MIGA2: variants seen among roughly 807,000 people sequenced by gnomAD.
The protein encoded by MIGA2 is family with sequence similarity 73, member B.
MIGA2 carries 36 observed loss-of-function variants against 69.9 expected under a neutral mutation model. The observed-to-expected ratio is 0.52, with a 90% CI of 0.39 to 0.68. MIGA2 has a LOEUF of 0.68. Among genes scored for constraint, MIGA2 ranks in the 30% least tolerant of loss-of-function variants. The pLI is 0.00. For missense variants in MIGA2, 660 were observed against 787.7 expected (o/e 0.84, Z 1.94); for synonymous variants, 333 against 349.2 (o/e 0.95, Z 0.52).
At position 129,061,103 on chromosome 9, in the gene MIGA2, T is replaced by C; in HGVS notation, c.895-128T>C. ...GGCCAGTGTTCCCTCTGACATCCCC[T>C]CAGAGACGTTGGCAGTGGGCAGGCA... On this transcript the variant is annotated intron_variant, in intron 8 of 15. Coordinates refer to ENST00000684074, the MANE Select transcript of MIGA2 (RefSeq NM_001329990.2). This position sits in a 1 kb window ranked among gnomAD's most constrained non-coding sequence, Gnocchi z 5.0. 2.7e-6 allele frequency: 2 copies of C among 750,476 alleles called. No homozygotes were observed. Among genetic ancestry groups the C allele is most frequent in the Non-Finnish European group, 4.6e-6 (2 of 434,694 alleles). 46.5% of individuals were successfully genotyped at this position (750,476 alleles called of 1,614,324 possible).
chr9:129,059,899 C>G lies in MIGA2; in HGVS notation c.793+628C>G, dbSNP rs1324178853. On this transcript the variant is annotated intron_variant, in intron 7 of 15. Coordinates refer to ENST00000684074, the MANE Select transcript of MIGA2 (RefSeq NM_001329990.2). This position sits in a 1 kb window ranked among gnomAD's most constrained non-coding sequence, Gnocchi z 5.6. The stretch of plus-strand genomic sequence containing the variant: ...ACCGGAGTGGGTCGGCCGAGCCACG[C>G]ACCCTGCCCTGGCTTCTCCCCACGT... 1.3e-5 allele frequency among the ~76,000 whole-genome samples: 2 copies of G among 152,178 alleles called. No homozygotes were observed. Among genetic ancestry groups the G allele is most frequent in the Admixed American group, 6.5e-5 (1 of 15,276 alleles).
At position 129,040,466 on chromosome 9, in the gene MIGA2, C is replaced by T. The variant is rs946399479; in HGVS notation, c.-129C>T. ...CTGTCTCTTAGCTCTGTGGAGGGGC[C>T]CTCTGGTATGTGTGTCCCTGTCCTT... is the stretch of plus-strand genomic sequence containing the variant. On this transcript the variant is annotated 5_prime_UTR_variant, in exon 2 of 16. Coordinates refer to ENST00000684074, the MANE Select transcript of MIGA2 (RefSeq NM_001329990.2). 8 of 1,418,090 alleles carry T rather than the reference C, an allele frequency of 5.6e-6. No individual in the cohort carries two copies. In the African/African-American group the frequency reaches 1.2e-4, roughly 21 times the overall value. 87.8% of individuals were successfully genotyped at this position (1,418,090 alleles called of 1,614,324 possible).
Position 129,042,424 on chromosome 9 carries a change from A to C in MIGA2, c.217A>C (p.Lys73Gln), listed in dbSNP as rs1844964108. Reference sequence around the variant, plus strand: ...GCTGAAGAGGCGACGGAGGAGGAAGAAGCAGGTTGGTCCCGAGATGGGAGG... The same window carrying C: ...GCTGAAGAGGCGACGGAGGAGGAAGCAGCAGGTTGGTCCCGAGATGGGAGG... ...HQLKRRRRRK[K>Q]QVGPEMGGEQ... Residue 73 changes from lysine to glutamine, a missense_variant, in exon 3 of 16, where the codon AAG becomes CAG. Around this residue, in one of 3 missense-constraint regions of MIGA2, gnomAD observed 386 missense variants for 402.0 expected, o/e 0.96. Coordinates refer to ENST00000684074, the MANE Select transcript of MIGA2 (RefSeq NM_001329990.2). 1 of 1,613,412 alleles carries C rather than the reference A, an allele frequency of 6.2e-7. No homozygotes were observed. The highest frequency in any genetic ancestry group is 2.2e-5 in the East Asian group (1 of 44,870).
At chr9:129,037,949 G>A (rs1844681436) in intron 1 of MIGA2, among the ~76,000 whole-genome samples, 1 of 152,144 alleles carries the variant, frequency 6.6e-6, no homozygotes, top group Non-Finnish European at 1.5e-5. Context: ...CCATTGCGAG[G>A]GTTCTGAGAG....
rs530922657 is a variant in MIGA2 at position 129,051,787 on chromosome 9, C to T, written c.675+1824C>T. On this transcript the variant is annotated intron_variant, in intron 6 of 15. Coordinates refer to ENST00000684074, the MANE Select transcript of MIGA2 (RefSeq NM_001329990.2). ...AATTTTTTGTATTTTTTAGTAGAGA[C>T]GGGGTTTCACCATGTTAGCCAGGAT... Among the ~76,000 whole-genome samples the T allele has an allele frequency of 4.0e-5, 6 of 148,494 alleles. No homozygotes were observed. In the South Asian group the frequency reaches 1.1e-3, roughly 26 times the overall value.
At chr9:129,045,052 G>A (rs900259061) in intron 3 of MIGA2, among the ~76,000 whole-genome samples, 1 of 151,410 alleles carries the variant, frequency 6.6e-6, no homozygotes, top group Non-Finnish European at 1.5e-5. Flanking sequence ...ACAAAAATTA[G>A]TCGGGTGTGG....
chr9:129,049,846 A>C lies in MIGA2; in HGVS notation c.558A>C (p.Glu186Asp), dbSNP rs144504442. ...LYMQGMELFE[E>D]ALQKWEQALS... ...GCTCAGGCATGGAGCTGTTTGAGGA[A>C]GCTCTGCAGAAGTGGGAGCAGGCAC... The change falls in exon 6 of 16, where the codon GAA becomes GAC. Residue 186 changes from glutamate to aspartate, a missense_variant. Transcript: ENST00000684074. The C allele has an allele frequency of 3.1e-6, 5 of 1,613,946 alleles. No homozygotes were observed. In the African/African-American group the frequency reaches 6.7e-5, roughly 22 times the overall value.
rs775772680 is a variant in MIGA2 at position 129,059,174 on chromosome 9, G to A, written c.696G>A (p.Glu232=). The part of the protein sequence containing the change: ...PLSEPESQRK[E]FAEKLESLLH... ...GGCAGCCAGAGTCACAGCGGAAGGA[G>A]TTTGCAGAGAAGCTGGAGTCCCTGC... Residue 232 remains glutamate, a synonymous_variant, in exon 7 of 16, where the codon GAG becomes GAA. Transcript: ENST00000684074. This position sits in a 1 kb window ranked among gnomAD's most constrained non-coding sequence, Gnocchi z 5.6. The A allele has an allele frequency of 1.2e-6, 2 of 1,613,622 alleles. No individual in the cohort carries two copies. Among genetic ancestry groups the A allele is most frequent in the South Asian group, 1.1e-5 (1 of 90,978 alleles).
In MIGA2 at chr9:129,069,484, G is replaced by C. The variant is rs187427881; in HGVS notation, c.1458+355G>C. On this transcript the variant is annotated intron_variant, in intron 14 of 15. Transcript: ENST00000684074. This position sits in a 1 kb window ranked among gnomAD's most constrained non-coding sequence, Gnocchi z 4.9. ...CCTGCCCTTTCCCCGCCCCAGTCAGGCCCCTGTAATCTCCGCTCCCAGGCA... is the reference window on the plus strand; with the variant it reads ...CCTGCCCTTTCCCCGCCCCAGTCAGCCCCCTGTAATCTCCGCTCCCAGGCA... 6.6e-4 allele frequency: 335 copies of C among 508,720 alleles called. 1 individual carries two copies. Among genetic ancestry groups the C allele is most frequent in the African/African-American group, 5.8e-3 (303 of 52,014 alleles). 31.5% of individuals were successfully genotyped at this position (508,720 alleles called of 1,614,324 possible).
intron 3 of MIGA2, among the ~76,000 whole-genome samples, 171 bp downstream of exon 3, chr9:129,042,685 T>C (rs1204916869): frequency 2.0e-5 from 3 of 152,164 alleles, no homozygotes; most frequent in Non-Finnish European, 2.9e-5. Context: ...CCAGTCACTG[T>C]ACTGGAGGGT....
intron 3 of MIGA2, among the ~76,000 whole-genome samples, chr9:129,043,685 C>T (rs556708652): frequency 6.6e-6 from 1 of 152,072 alleles, no homozygotes; most frequent in East Asian, 1.9e-4. Context: ...CCGCACCCGG[C>T]CCCGGCCATC....
At position 129,069,778 on chromosome 9, in the gene MIGA2, G is replaced by T. The variant is rs756994940; in HGVS notation, c.1459-71G>T. ...CGACCTCTAAAGCCCAGCCCTTTAT[G>T]CGACACCTGGGCCTGGTGCCCTCAT... is the stretch of plus-strand genomic sequence containing the variant. On this transcript the variant is annotated intron_variant, in intron 14 of 15. Coordinates refer to ENST00000684074, the MANE Select transcript of MIGA2 (RefSeq NM_001329990.2). This position sits in a 1 kb window ranked among gnomAD's most constrained non-coding sequence, Gnocchi z 4.9. The T allele has an allele frequency of 3.3e-5, 34 of 1,035,910 alleles. No homozygotes were observed. The highest frequency in any genetic ancestry group is 2.0e-4 in the Middle Eastern group (1 of 4,928). The allele number at this position is 1,035,910 out of a possible 1,614,324, so 64.2% of individuals were successfully genotyped here.
intron 3 of MIGA2, among the ~76,000 whole-genome samples, chr9:129,047,738 A>G (rs1845306273): frequency 6.6e-6 from 1 of 151,082 alleles, no homozygotes; most frequent in Non-Finnish European, 1.5e-5. Flanking sequence ...ATATATATGT[A>G]TATATATTTG....
At chr9:129,044,635 C>T (rs1415403987) in intron 3 of MIGA2, among the ~76,000 whole-genome samples, 1 of 152,048 alleles carries the variant, frequency 6.6e-6, no homozygotes, top group Non-Finnish European at 1.5e-5. Flanking sequence ...TCACTGCAAC[C>T]TCCACCCCCT....
At chr9:129,050,179 G>A (rs1397555709) in intron 6 of MIGA2, among the ~76,000 whole-genome samples, 2 of 152,236 alleles carry the variant, frequency 1.3e-5, no homozygotes, top group Admixed American at 6.5e-5. Flanking sequence ...ACTCACACCC[G>A]CCTCGACCCT....
At position 129,068,128 on chromosome 9, in the gene MIGA2, C is replaced by T. The variant is rs561339871; in HGVS notation, c.1270-70C>T. The stretch of plus-strand genomic sequence containing the variant: ...CCCTGGACCCCAGCTTCAGTCTCCC[C>T]ATCTGGAAAGTGGCCCCGAGGCTCC... On this transcript the variant is annotated intron_variant, in intron 12 of 15. Transcript: ENST00000684074. The surrounding 1 kb of genome is among the most constrained non-coding windows in gnomAD (Gnocchi z 4.1). 5.9e-5 allele frequency: 95 copies of T among 1,606,456 alleles called. No individual in the cohort carries two copies. The African/African-American group carries it at 1.2e-3, about 20-fold the overall frequency.
rs763012457 is a variant in MIGA2, at chr9:129,070,295, C to T, written c.1624C>T (p.Arg542Cys). 5.6e-6 allele frequency: 9 copies of T among 1,613,054 alleles called. No homozygotes were observed. The highest frequency in any genetic ancestry group is 4.4e-5 in the South Asian group (4 of 91,090). Residue 542 changes from arginine to cysteine, a missense_variant, in exon 16 of 16, where the codon CGC (arginine) becomes TGC (cysteine). By Grantham distance (180) the Arg-to-Cys change is radical (BLOSUM62 -3). Transcript: ENST00000684074. Reference protein sequence around the residue: ...LRDMFDLDNVRYTSLPALADD... With the variant: ...LRDMFDLDNVCYTSLPALADD... ...GGACATGTTCGACCTGGACAATGTGCGCTACACGTCACTGCCCGCGCTGGC... is the reference window on the plus strand; with the variant it reads ...GGACATGTTCGACCTGGACAATGTGTGCTACACGTCACTGCCCGCGCTGGC...
chr9:129,063,246 C>T lies in MIGA2; in HGVS notation c.1013C>T (p.Thr338Met), dbSNP rs779546695. ...EGRVPCRTLR[T>M]ELLGCYSDQD... ...GACGCCGTCTGTCCTCCCCTCAGGA[C>T]GGAGCTGCTGGGCTGCTACAGTGAC... Residue 338 changes from threonine to methionine, a missense_variant and splice_region_variant, in exon 10 of 16, where the codon ACG becomes ATG. Coordinates refer to ENST00000684074, the MANE Select transcript of MIGA2 (RefSeq NM_001329990.2). 4.3e-6 allele frequency: 7 copies of T among 1,613,876 alleles called. No homozygotes were observed. The highest frequency in any genetic ancestry group is 5.1e-6 in the Non-Finnish European group (6 of 1,179,988).
At position 129,058,999 on chromosome 9, in the gene MIGA2, C is replaced by T. The variant is rs573404904; in HGVS notation, c.676-155C>T. 7.2e-4 allele frequency among the ~76,000 whole-genome samples: 109 copies of T among 152,348 alleles called. 1 individual carries two copies. The South Asian group carries it at 0.022, about 31-fold the overall frequency. ...CTCAGCTGCCAGAAGTGGCTGGTGG[C>T]TCCTCTATCGAGCAGTGAAGTTTTG... On this transcript the variant is annotated intron_variant, in intron 6 of 15. Coordinates refer to ENST00000684074, the MANE Select transcript of MIGA2 (RefSeq NM_001329990.2).
Sources: gnomAD v4.1 joint callset for allele counts (sites outside exome capture counted in the v4.1 genomes callset) on GRCh38, gnomAD v4.1.1 for gene constraint, gnomAD v4.1.1 regional missense constraint, Gnocchi (gnomAD v3.1) non-coding constraint, MANE v1.5 for transcripts, NCBI Gene and HGNC (gene_info 2026-07-23, HGNC 2026-07-21) for gene names.